NUMB: variants seen among roughly 807,000 people sequenced by gnomAD.
The protein encoded by NUMB is protein numb homolog.
Under a neutral mutation model 59.7 loss-of-function variants are expected in NUMB, and 29 were observed. The ratio of observed to expected loss-of-function variants is 0.49; its 90% CI spans 0.36 to 0.66. The LOEUF is 0.66. Among genes scored for constraint, NUMB ranks in the 30% least tolerant of loss-of-function variants. NUMB has a pLI of 0.00. For missense variants in NUMB, 723 were observed against 822.0 expected (o/e 0.88, Z 1.47); for synonymous variants, 288 against 288.2 (o/e 1.00, Z 0.01).
At chr14:73,360,596 C>T (rs1894052881) in intron 3 of NUMB, among the ~76,000 whole-genome samples, 1 of 152,078 alleles carries the variant, frequency 6.6e-6, no homozygotes, top group South Asian at 2.1e-4. Flanking sequence ...GCATGTCTCT[C>T]TTGCCTTGAG....
At chr14:73,362,402 G>A (rs1051956662) in intron 3 of NUMB, among the ~76,000 whole-genome samples, 2 of 152,008 alleles carry the variant, frequency 1.3e-5, no homozygotes, top group Admixed American at 6.6e-5. Flanking sequence ...AGGAAAAGGG[G>A]GAGGAGGAGA....
At chr14:73,375,487 C>A (rs888885218) in intron 2 of NUMB, among the ~76,000 whole-genome samples, 26 of 152,218 alleles carry the variant, frequency 1.7e-4, no homozygotes, top group African/African-American at 4.3e-4. Context: ...CTCAAAAAAT[C>A]TTTATATAAT....
At chr14:73,385,608 T>C (rs1895476618) in intron 2 of NUMB, among the ~76,000 whole-genome samples, 1 of 150,690 alleles carries the variant, frequency 6.6e-6, no homozygotes, top group African/African-American at 2.5e-5. Context: ...TTCAAGCGAT[T>C]CTTGTACCTC....
At position 73,277,297 on chromosome 14, in the gene NUMB, G is replaced by A; in HGVS notation, c.1241-4C>T. ...GAAGATTGACCCCACTCGGTCCCTGGAACCAACAAGATGAGAGACAAAAGA... is the reference window on the plus strand; with the variant it reads ...GAAGATTGACCCCACTCGGTCCCTGAAACCAACAAGATGAGAGACAAAAGA... On this transcript the variant is annotated splice_region_variant and splice_polypyrimidine_tract_variant and intron_variant, in intron 12 of 12. Coordinates refer to ENST00000555238, the MANE Select transcript of NUMB (RefSeq NM_001005743.2). 1 of 1,586,326 alleles carries A rather than the reference G, an allele frequency of 6.3e-7. No individual in the cohort carries two copies. Among genetic ancestry groups the A allele is most frequent in the South Asian group, 1.1e-5 (1 of 89,104 alleles).
At chr14:73,367,183 T>C (rs1268921341) in intron 2 of NUMB, among the ~76,000 whole-genome samples, 1 of 151,492 alleles carries the variant, frequency 6.6e-6, no homozygotes, top group South Asian at 2.1e-4. Context: ...CACACACTAA[T>C]GTAGAACCAC....
chr14:73,453,597 A>G (rs1263539793), intron 1 of NUMB, among the ~76,000 whole-genome samples: 2 of 151,910 alleles, frequency 1.3e-5, no homozygotes, highest in Non-Finnish European at 2.9e-5. Flanking sequence ...TTACATTACT[A>G]AAACAAATTT....
At chr14:73,431,564 T>C (rs1897831037) in intron 1 of NUMB, among the ~76,000 whole-genome samples, 1 of 151,230 alleles carries the variant, frequency 6.6e-6, no homozygotes, top group Non-Finnish European at 1.5e-5. Flanking sequence ...CTGGCCAACA[T>C]GGTGAAACCC....
At chr14:73,367,185 T>C (rs549630535) in intron 2 of NUMB, among the ~76,000 whole-genome samples, 1 of 151,540 alleles carries the variant, frequency 6.6e-6, no homozygotes, top group Non-Finnish European at 1.5e-5. Flanking sequence ...CACACTAATG[T>C]AGAACCACAA....
At chr14:73,377,038 A>G (rs1173593727) in intron 2 of NUMB, among the ~76,000 whole-genome samples, 1 of 152,222 alleles carries the variant, frequency 6.6e-6, no homozygotes, top group East Asian at 1.9e-4. Context: ...AAAGGTAAGA[A>G]AAAGAACTTA....
At chr14:73,287,884 G>C (rs1380440353) in intron 8 of NUMB, among the ~76,000 whole-genome samples, 1 of 152,122 alleles carries the variant, frequency 6.6e-6, no homozygotes, top group Non-Finnish European at 1.5e-5. Context: ...TTATCACTTA[G>C]GCTCTGTCAT....
chr14:73,372,412 CAT>C (rs1478118955), intron 2 of NUMB, among the ~76,000 whole-genome samples: 11 of 139,710 alleles, frequency 7.9e-5, no homozygotes, highest in Admixed American at 3.7e-4. Context: ...CGCATACACA[CAT>C]ATATGTGCCT....
At chr14:73,435,896 C>T (rs554263432) in intron 1 of NUMB, among the ~76,000 whole-genome samples, 23 of 151,574 alleles carry the variant, frequency 1.5e-4, no homozygotes, top group Admixed American at 7.9e-4. Flanking sequence ...AATCCAACTA[C>T]TTGGGAGGCT....
chr14:73,394,073 C>G (rs1594983990), intron 2 of NUMB, among the ~76,000 whole-genome samples: 1 of 151,998 alleles, frequency 6.6e-6, no homozygotes, highest in African/African-American at 2.4e-5. Context: ...TCAAGCGATT[C>G]TCCTGCCTTA....
intron 1 of NUMB, among the ~76,000 whole-genome samples, chr14:73,445,246 C>A (rs1883387922): frequency 6.6e-6 from 1 of 151,138 alleles, no homozygotes; most frequent in South Asian, 2.1e-4. Flanking sequence ...CCCAACTACC[C>A]AGGAGGCTGA....
chr14:73,311,012 G>A (rs911833311), intron 6 of NUMB, among the ~76,000 whole-genome samples: 1 of 152,068 alleles, frequency 6.6e-6, no homozygotes, highest in Admixed American at 6.6e-5. Flanking sequence ...CTAAAAAGCT[G>A]AGTGCATTAT....
chr14:73,383,182 C>T (rs1002340924), intron 2 of NUMB, among the ~76,000 whole-genome samples: 1 of 151,968 alleles, frequency 6.6e-6, no homozygotes, highest in African/African-American at 2.4e-5. Flanking sequence ...AATGGGGATC[C>T]AGGGATCCAG....
At chr14:73,450,744 G>A (rs778059373) in intron 1 of NUMB, among the ~76,000 whole-genome samples, 4 of 151,704 alleles carry the variant, frequency 2.6e-5, no homozygotes, top group African/African-American at 9.7e-5. Flanking sequence ...AGCCGAGATC[G>A]TGCCACAGCA....
At chr14:73,311,167 T>C (rs1890757158) in intron 6 of NUMB, among the ~76,000 whole-genome samples, 1 of 152,132 alleles carries the variant, frequency 6.6e-6, no homozygotes. Flanking sequence ...GCGATTCTCT[T>C]GCCTCAGCCT....
intron 2 of NUMB, among the ~76,000 whole-genome samples, chr14:73,376,682 A>G (rs1002332965): frequency 1.3e-5 from 2 of 152,214 alleles, no homozygotes; most frequent in African/African-American, 4.8e-5. Context: ...ATACAGACAA[A>G]TAGATCAATG....
Sources: gnomAD v4.1 joint callset for allele counts (sites outside exome capture counted in the v4.1 genomes callset) on GRCh38, gnomAD v4.1.1 for gene constraint, MANE v1.5 for transcripts, NCBI Gene and HGNC (gene_info 2026-07-23, HGNC 2026-07-21) for gene names.